BRAF: variants seen among roughly 807,000 people sequenced by gnomAD.
BRAF encodes the protein serine/threonine-protein kinase B-raf.
BRAF carries 16 observed loss-of-function variants against 104.6 expected under a neutral mutation model. The ratio of observed to expected loss-of-function variants is 0.15; its 90% CI spans 0.10 to 0.23. The LOEUF is 0.23. BRAF is among the 10% of genes least tolerant of loss of function. BRAF has a pLI of 1.00. For missense variants in BRAF, 541 were observed against 937.3 expected, an observed-to-expected ratio of 0.58 and a Z score of 5.52; for synonymous variants, 310 against 341.6, an observed-to-expected ratio of 0.91 and a Z score of 1.02.
At chr7:140,906,860 G>C (rs928533040) in intron 1 of BRAF, among the ~76,000 whole-genome samples, 3 of 151,968 alleles carry the variant, frequency 2.0e-5, no homozygotes, top group Admixed American at 2.0e-4. Context: ...CCTTGTATCT[G>C]GGTTTATGCA....
At chr7:140,829,128 C>T (rs1280857999) in intron 3 of BRAF, among the ~76,000 whole-genome samples, 3 of 149,522 alleles carry the variant, frequency 2.0e-5, no homozygotes, top group African/African-American at 7.4e-5. Context: ...CTATTTACTT[C>T]TTGGTATCTG....
At chr7:140,863,743 C>A (rs1810651743) in intron 1 of BRAF, among the ~76,000 whole-genome samples, 1 of 152,164 alleles carries the variant, frequency 6.6e-6, no homozygotes, top group African/African-American at 2.4e-5. Context: ...CCTCCCCCTA[C>A]CCCTTGCTCC....
chr7:140,845,020 C>T (rs1808396331), intron 2 of BRAF, among the ~76,000 whole-genome samples: 1 of 151,992 alleles, frequency 6.6e-6, no homozygotes, highest in Admixed American at 6.6e-5. Context: ...AAACTTACTA[C>T]ACAAAGCTAG....
At chr7:140,792,158 AAC>A (rs1367747842) in intron 8 of BRAF, among the ~76,000 whole-genome samples, 1 of 151,788 alleles carries the variant, frequency 6.6e-6, no homozygotes, top group African/African-American at 2.4e-5. Flanking sequence ...CCCTCCCCAA[AAC>A]ACACTCTTTC....
chr7:140,914,288 C>G (rs1309309901), intron 1 of BRAF, among the ~76,000 whole-genome samples: 2 of 152,150 alleles, frequency 1.3e-5, no homozygotes, highest in African/African-American at 4.8e-5. Context: ...GGAGGAGGAT[C>G]AAGAGATGCC....
intron 8 of BRAF, 43 bp from the exon 9 acceptor site, chr7:140,787,627 T>A (rs375064829): frequency 6.3e-5 from 98 of 1,551,066 alleles, no homozygotes; most frequent in Admixed American, 1.8e-4. Flanking sequence ...AGCAAGCATA[T>A]AATCAGAGAG....
At chr7:140,868,522 A>G (rs1281357750) in intron 1 of BRAF, among the ~76,000 whole-genome samples, 1 of 152,186 alleles carries the variant, frequency 6.6e-6, no homozygotes, top group Non-Finnish European at 1.5e-5. Flanking sequence ...AATGGTCCAG[A>G]ATAGAAAAAT....
chr7:140,859,964 G>A (rs761326283), intron 1 of BRAF, among the ~76,000 whole-genome samples: 1 of 152,222 alleles, frequency 6.6e-6, no homozygotes, highest in African/African-American at 2.4e-5. Flanking sequence ...TGGGATTACA[G>A]GCGTAAGCCA....
chr7:140,746,743 A>G (rs1161098288), intron 17 of BRAF, among the ~76,000 whole-genome samples: 1 of 151,838 alleles, frequency 6.6e-6, no homozygotes, highest in Non-Finnish European at 1.5e-5. Flanking sequence ...GAGGCAGAAG[A>G]ATCGCTAACA....
chr7:140,751,043 A>G (rs1040215953), intron 16 of BRAF, among the ~76,000 whole-genome samples: 14 of 152,320 alleles, frequency 9.2e-5, no homozygotes, highest in Non-Finnish European at 1.6e-4. Context: ...CGGATGTTCC[A>G]TATTTGTTTC....
chr7:140,797,118 C>A (rs1237813836), intron 7 of BRAF, among the ~76,000 whole-genome samples: 4 of 152,094 alleles, frequency 2.6e-5, no homozygotes, highest in South Asian at 4.1e-4. Context: ...GATACCTGTA[C>A]CTATCTTGCA....
intron 1 of BRAF, among the ~76,000 whole-genome samples, chr7:140,873,074 T>G (rs2129095101): frequency 6.6e-6 from 1 of 151,356 alleles, no homozygotes; most frequent in East Asian, 1.9e-4. Context: ...CAAAAGCAAC[T>G]ATAAAGCTGG....
intron 3 of BRAF, chr7:140,834,286 T>C: frequency 2.0e-6 from 1 of 488,528 alleles, no homozygotes. Context: ...AGAATGAGTC[T>C]TACCTGACAC....
Position 140,724,337 on chromosome 7 carries a change from G to T in BRAF, c.*2157C>A. On this transcript the variant is annotated 3_prime_UTR_variant, in exon 20 of 20. Transcript: ENST00000644969. ...GAAACTTGAAGCCAATCTTGGTAAA[G>T]GGAACACAGCCACATTTAAAAGCAT... 1 of 1,054,818 alleles carries T rather than the reference G, an allele frequency of 9.5e-7. No individual in the cohort carries two copies. The highest frequency in any genetic ancestry group is 4.6e-5 in the South Asian group (1 of 21,896). The allele number at this position is 1,054,818 out of a possible 1,614,324, so 65.3% of individuals were successfully genotyped here.
At chr7:140,836,741 T>C (rs990726758) in intron 2 of BRAF, among the ~76,000 whole-genome samples, 1 of 152,192 alleles carries the variant, frequency 6.6e-6, no homozygotes, top group Non-Finnish European at 1.5e-5. Context: ...AGTAAATATA[T>C]ACTGATACAT....
chr7:140,714,584 G>A (rs1244331425), downstream of BRAF, among the ~76,000 whole-genome samples: 1 of 152,114 alleles, frequency 6.6e-6, no homozygotes, highest in Non-Finnish European at 1.5e-5. Flanking sequence ...TGGTCTTGAA[G>A]TCGAGGCCTC....
intron 5 of BRAF, among the ~76,000 whole-genome samples, chr7:140,805,855 T>A (rs941511796): frequency 6.6e-6 from 1 of 152,164 alleles, no homozygotes; most frequent in African/African-American, 2.4e-5. Context: ...CCAAGAACAC[T>A]TTTCCTTTCT....
chr7:140,718,155 C>T (rs557608868), downstream of BRAF, among the ~76,000 whole-genome samples: 10 of 152,178 alleles, frequency 6.6e-5, no homozygotes, highest in South Asian at 2.1e-4. Flanking sequence ...AGTGCAATGG[C>T]GTGATCTCAG....
At chr7:140,823,012 TG>T (rs1296138050) in intron 3 of BRAF, among the ~76,000 whole-genome samples, 1 of 152,126 alleles carries the variant, frequency 6.6e-6, no homozygotes, top group Non-Finnish European at 1.5e-5. Flanking sequence ...TTTGTAGACA[TG>T]GGGTCTCACT....
Sources: gnomAD v4.1 joint callset for allele counts (sites outside exome capture counted in the v4.1 genomes callset) on GRCh38, gnomAD v4.1.1 for gene constraint, MANE v1.5 for transcripts, NCBI Gene and HGNC (gene_info 2026-07-23, HGNC 2026-07-21) for gene names.